Variants in GTF3C5 observed in about 807,000 individuals in gnomAD.
GTF3C5 encodes general transcription factor IIIC subunit 5.
A neutral mutation model predicts 61.0 loss-of-function variants in GTF3C5; 47 were observed. That is an observed-to-expected ratio of 0.77 (90% CI 0.61 to 0.98). The LOEUF (loss-of-function observed/expected upper bound fraction) is 0.98. Ranked by LOEUF, GTF3C5 falls within the 50% of genes least tolerant of loss-of-function variation. The pLI, the probability that GTF3C5 is intolerant of heterozygous loss-of-function variation, is 0.00. For synonymous variants in GTF3C5, 295 were observed against 275.4 expected, an observed-to-expected ratio of 1.07 and a Z score of -0.71; for missense variants, 659 against 703.3, an observed-to-expected ratio of 0.94 and a Z score of 0.71.
intron 1 of GTF3C5, among the ~76,000 whole-genome samples, chr9:133,032,279 C>T (rs1849754232): frequency 6.6e-6 from 1 of 152,122 alleles, no homozygotes; most frequent in Non-Finnish European, 1.5e-5. Context: ...TGTGTCCTGT[C>T]CCTGCTGGTT....
intron 1 of GTF3C5, among the ~76,000 whole-genome samples, chr9:133,034,098 A>G (rs1249693604): frequency 2.6e-5 from 4 of 152,140 alleles, no homozygotes; most frequent in Admixed American, 2.6e-4. Context: ...TTCTTGGGCC[A>G]TTGTTTGGGG....
chr9:133,032,004 A>T (rs1427430364), intron 1 of GTF3C5, among the ~76,000 whole-genome samples: 1 of 152,086 alleles, frequency 6.6e-6, no homozygotes, highest in African/African-American at 2.4e-5. Context: ...AAGAACAGGG[A>T]AGCTGAACAT....
intron 3 of GTF3C5, among the ~76,000 whole-genome samples, chr9:133,046,332 TA>T (rs1425472633): frequency 6.6e-6 from 1 of 151,934 alleles, no homozygotes; most frequent in Non-Finnish European, 1.5e-5. Context: ...CCTGTCTCAA[TA>T]AACAAAACAA....
intron 8 of GTF3C5, chr9:133,055,093 G>A (rs1408659146): frequency 1.9e-6 from 3 of 1,550,556 alleles, no homozygotes; most frequent in African/African-American, 1.4e-5. Context: ...CCCTTTGGGA[G>A]CCTGGGCCCC....
At chr9:133,040,932 T>C (rs1464657852) in intron 1 of GTF3C5, among the ~76,000 whole-genome samples, 1 of 152,252 alleles carries the variant, frequency 6.6e-6, no homozygotes, top group Non-Finnish European at 1.5e-5. Flanking sequence ...TAGGAATTAC[T>C]CTTTATTCCA....
rs774842667 is a variant in GTF3C5, at chr9:133,042,075, G to A, written c.154-12G>A. 3.1e-6 allele frequency: 5 copies of A among 1,603,670 alleles called. No individual in the cohort carries two copies. The highest frequency in any genetic ancestry group is 1.7e-5 in the Admixed American group (1 of 59,920). Reference sequence around the variant, plus strand: ...TCATTGCTTCACTCTGTCTCCTTTGGCCTTGCCACAGATCTACGCAGACCC... The same window carrying A: ...TCATTGCTTCACTCTGTCTCCTTTGACCTTGCCACAGATCTACGCAGACCC... On this transcript the variant is annotated splice_polypyrimidine_tract_variant and intron_variant, in intron 1 of 10. Coordinates refer to ENST00000372097, the MANE Select transcript of GTF3C5 (RefSeq NM_012087.4).
At chr9:133,030,924 G>A (rs1849706670), upstream of GTF3C5, 1 of 1,467,308 alleles carries the variant, frequency 6.8e-7, no homozygotes, top group Non-Finnish European at 9.4e-7. Flanking sequence ...AGGGAGCCCG[G>A]AACGATTCCT....
At chr9:133,040,418 G>T (rs1226359338) in intron 1 of GTF3C5, among the ~76,000 whole-genome samples, 1 of 152,176 alleles carries the variant, frequency 6.6e-6, no homozygotes, top group Admixed American at 6.5e-5. Context: ...CCAGCATTGG[G>T]CAAGTATTCA....
intron 3 of GTF3C5, among the ~76,000 whole-genome samples, chr9:133,045,932 C>T (rs1850189296): frequency 6.6e-6 from 1 of 152,172 alleles, no homozygotes; most frequent in South Asian, 2.1e-4. Flanking sequence ...CCACAGTGTC[C>T]AGCCCGAAAA....
At chr9:133,037,496 C>CG (rs1397458250) in intron 1 of GTF3C5, among the ~76,000 whole-genome samples, 2 of 152,026 alleles carry the variant, frequency 1.3e-5, no homozygotes, top group African/African-American at 2.4e-5. Context: ...TATTTCCCCC[C>CG]GGGGTTTTTA....
At chr9:133,045,243 C>T (rs1272079540) in intron 3 of GTF3C5, among the ~76,000 whole-genome samples, 1 of 152,202 alleles carries the variant, frequency 6.6e-6, no homozygotes, top group East Asian at 1.9e-4. Flanking sequence ...GCATCTCACC[C>T]AAGCCTGGGA....
chr9:133,034,594 T>C (rs1211522536), intron 1 of GTF3C5, among the ~76,000 whole-genome samples: 4 of 152,158 alleles, frequency 2.6e-5, no homozygotes, highest in African/African-American at 9.7e-5. Flanking sequence ...ACCTGGCGTG[T>C]AGTGTGCCCA....
chr9:133,032,183 C>T (rs1247212177), intron 1 of GTF3C5, among the ~76,000 whole-genome samples: 1 of 152,234 alleles, frequency 6.6e-6, no homozygotes, highest in Non-Finnish European at 1.5e-5. Flanking sequence ...CCGTCTTGGC[C>T]TCCCAAAGTG....
At chr9:133,040,393 A>G (rs946355459) in intron 1 of GTF3C5, among the ~76,000 whole-genome samples, 16 of 152,204 alleles carry the variant, frequency 1.1e-4, no homozygotes, top group Non-Finnish European at 2.2e-4. Flanking sequence ...GCACACATCC[A>G]GTGCTCGTTG....
chr9:133,055,153 G>C, intron 8 of GTF3C5: 1 of 1,544,930 alleles, frequency 6.5e-7, no homozygotes, highest in Non-Finnish European at 8.7e-7. Flanking sequence ...GGCACACACA[G>C]GAGGACAGAG....
chr9:133,043,620 C>T, intron 2 of GTF3C5, 108 bp from the exon 3 acceptor site: 1 of 859,998 alleles, frequency 1.2e-6, no homozygotes. Flanking sequence ...CCTGCAGCCT[C>T]CACCACATGG....
intron 3 of GTF3C5, 107 bp from the exon 4 acceptor site, chr9:133,050,676 G>T: frequency 1.3e-6 from 1 of 745,492 alleles, no homozygotes; most frequent in Non-Finnish European, 2.3e-6. Flanking sequence ...AGAGGCACAC[G>T]GTGGCTGTGG....
In GTF3C5 at chr9:133,057,870, T is replaced by C; in HGVS notation, c.1450T>C (p.Ser484Pro). 1.9e-6 allele frequency: 3 copies of C among 1,613,304 alleles called. No individual in the cohort carries two copies. The highest frequency in any genetic ancestry group is 2.5e-6 in the Non-Finnish European group (3 of 1,179,858). ...DGGKEQLTYE[S>P]GEDEEDEEEE... ...CGGAAAAGAGCAGCTGACGTACGAG[T>C]CTGGGGAAGACGAGGAGGATGAGGA... Residue 484 changes from serine to proline, a missense_variant, in exon 11 of 11, where the codon TCT becomes CCT. Transcript: ENST00000372097.
intron 3 of GTF3C5, among the ~76,000 whole-genome samples, chr9:133,050,131 C>T (rs554370933): frequency 6.6e-6 from 1 of 151,992 alleles, no homozygotes; most frequent in African/African-American, 2.4e-5. Context: ...GGTGGCAGGA[C>T]AGGTGTGTGA....
Sources: gnomAD v4.1 joint callset for allele counts (sites outside exome capture counted in the v4.1 genomes callset) on GRCh38, gnomAD v4.1.1 for gene constraint, MANE v1.5 for transcripts, NCBI Gene and HGNC (gene_info 2026-07-23, HGNC 2026-07-21) for gene names.